Variants in SMG6 observed in about 807,000 individuals in gnomAD.
SMG6 encodes the protein SMG6 nonsense mediated mRNA decay factor.
In SMG6, 66 loss-of-function variants were observed where a neutral mutation model predicts 142.2. The observed-to-expected ratio is 0.46, with a 90% CI of 0.38 to 0.57. The LOEUF (loss-of-function observed/expected upper bound fraction) is 0.57. SMG6 is among the 20% of genes least tolerant of loss of function. The pLI is 0.00. For missense variants in SMG6, 1,793 were observed against 1,832.0 expected (o/e 0.98, Z 0.39); for synonymous variants, 779 against 702.4 (o/e 1.11, Z -1.72).
At chr17:2,137,655 T>C (rs868759423) in intron 13 of SMG6, among the ~76,000 whole-genome samples, 1 of 152,072 alleles carries the variant, frequency 6.6e-6, no homozygotes, top group South Asian at 2.1e-4. Context: ...AAAAGACACC[T>C]GGAGAATGAC....
At chr17:2,134,890 T>A (rs1439719224) in intron 13 of SMG6, among the ~76,000 whole-genome samples, 1 of 152,116 alleles carries the variant, frequency 6.6e-6, no homozygotes, top group Non-Finnish European at 1.5e-5. Flanking sequence ...TAATTTATTT[T>A]TTTTTTTGAG....
intron 15 of SMG6, among the ~76,000 whole-genome samples, chr17:2,069,492 A>G (rs1404550671): frequency 5.3e-5 from 8 of 151,588 alleles, no homozygotes; most frequent in Non-Finnish European, 1.0e-4. Flanking sequence ...GCTACTTGGG[A>G]GGCTGACATG....
intron 13 of SMG6, among the ~76,000 whole-genome samples, chr17:2,156,624 G>A (rs1429692689): frequency 6.6e-6 from 1 of 151,982 alleles, no homozygotes; most frequent in Non-Finnish European, 1.5e-5. Context: ...CAAACAGCAA[G>A]CCTTTCCCTC....
At chr17:2,252,321 AC>A (rs1402162220) in intron 8 of SMG6, among the ~76,000 whole-genome samples, 1 of 151,622 alleles carries the variant, frequency 6.6e-6, no homozygotes, top group African/African-American at 2.4e-5. Context: ...AATTGCTTGA[AC>A]CTGGGAGGTG....
intron 10 of SMG6, among the ~76,000 whole-genome samples, chr17:2,200,233 T>C (rs1028056597): frequency 1.3e-5 from 2 of 152,148 alleles, no homozygotes; most frequent in African/African-American, 4.8e-5. Context: ...AAAAAACTTT[T>C]TGTTTTTTTT....
intron 8 of SMG6, among the ~76,000 whole-genome samples, chr17:2,270,223 G>A (rs2074516553): frequency 6.6e-6 from 1 of 152,036 alleles, no homozygotes; most frequent in South Asian, 2.1e-4. Flanking sequence ...AAAAAAAAAG[G>A]TGAATATACC....
At chr17:2,191,528 A>G (rs2072163162) in intron 10 of SMG6, among the ~76,000 whole-genome samples, 1 of 152,230 alleles carries the variant, frequency 6.6e-6, no homozygotes. Context: ...ACAGGAGCTG[A>G]GGAACTCATT....
At position 2,071,239 on chromosome 17, in the gene SMG6, ACT is replaced by A. The variant is rs2068091709; in HGVS notation, c.3682-2310_3682-2309del. ...AGAAACAACCGTCCAGCCTGGTCTG[ACT>A]CTATCAAGGAAGTGGCTGCCATTTT... On this transcript the variant is annotated intron_variant, in intron 15 of 18. Transcript: ENST00000263073. This position sits in a 1 kb window ranked among gnomAD's most constrained non-coding sequence, Gnocchi z 5.6. 6.7e-6 allele frequency among the ~76,000 whole-genome samples: 1 copy of A among 150,156 alleles called. No individual in the cohort carries two copies. The highest frequency in any genetic ancestry group is 1.5e-5 in the Non-Finnish European group (1 of 67,736).
intron 12 of SMG6, among the ~76,000 whole-genome samples, chr17:2,178,898 G>T (rs926040316): frequency 6.6e-6 from 1 of 152,260 alleles, no homozygotes; most frequent in Non-Finnish European, 1.5e-5. Context: ...ACTCCAACAC[G>T]TCTTCTTAGC....
At chr17:2,121,583 CTGTCTGTGTGTGTGTGTG>C (rs1486280562) in intron 13 of SMG6, among the ~76,000 whole-genome samples, 1,733 of 118,262 alleles carry the variant, frequency 0.015, 57 homozygotes, top group African/African-American at 0.046. Flanking sequence ...ATGTACATGT[CTGTCTGTGTGTGTGTGTG>C]TGTGTGTGTG....
At chr17:2,232,324 G>A (rs1393276495) in intron 10 of SMG6, among the ~76,000 whole-genome samples, 1 of 152,164 alleles carries the variant, frequency 6.6e-6, no homozygotes, top group Non-Finnish European at 1.5e-5. Flanking sequence ...GATGACTACC[G>A]AAGTGTTAAA....
Position 2,236,392 on chromosome 17 carries a change from G to A in SMG6, c.2869+100C>T, listed in dbSNP as rs1333364054. 16 of 1,204,102 alleles carry A rather than the reference G, an allele frequency of 1.3e-5. No homozygotes were observed. In the East Asian group the frequency reaches 2.9e-4, roughly 22 times the overall value. 74.6% of individuals were successfully genotyped at this position (1,204,102 alleles called of 1,614,324 possible). A position where few individuals can be genotyped will look rare whatever the true frequency, so the allele number is the denominator to read the frequency against. On this transcript the variant is annotated intron_variant, in intron 10 of 18. Transcript: ENST00000263073. ...TAGGGTGTGTGTGTTCGGGGGTGGGGTGGGGGGAGGTAGGTATGGTAGGTA... is the reference window on the plus strand; with the variant it reads ...TAGGGTGTGTGTGTTCGGGGGTGGGATGGGGGGAGGTAGGTATGGTAGGTA...
intron 8 of SMG6, among the ~76,000 whole-genome samples, chr17:2,253,973 G>C (rs1336049062): frequency 6.6e-6 from 1 of 152,162 alleles, no homozygotes; most frequent in Non-Finnish European, 1.5e-5. Context: ...CCTATCAAAG[G>C]AAAGTGCCAG....
chr17:2,272,372 CCTCT>C (rs2074558797), intron 8 of SMG6, among the ~76,000 whole-genome samples: 1 of 152,206 alleles, frequency 6.6e-6, no homozygotes, highest in South Asian at 2.1e-4. Flanking sequence ...GGACCAAGAG[CCTCT>C]CTCTGTGCTT....
At chr17:2,100,293 C>A (rs895647596) in intron 13 of SMG6, among the ~76,000 whole-genome samples, 1 of 152,178 alleles carries the variant, frequency 6.6e-6, no homozygotes, top group African/African-American at 2.4e-5. Flanking sequence ...CCGCCTCGGC[C>A]TTCCAAAGTG....
chr17:2,104,603 C>T (rs1416909519), intron 13 of SMG6, among the ~76,000 whole-genome samples: 1 of 151,270 alleles, frequency 6.6e-6, no homozygotes, highest in Non-Finnish European at 1.5e-5. Flanking sequence ...ATCTTACTTC[C>T]TCTGCAATTT....
chr17:2,255,418 AAAAAAAAAAAAG>A (rs1354033173), intron 8 of SMG6, among the ~76,000 whole-genome samples: 8 of 149,780 alleles, frequency 5.3e-5, no homozygotes, highest in South Asian at 4.2e-4. Flanking sequence ...AAAAAAAAAA[AAAAAAAAAAAAG>A]AATGTGATCT....
At chr17:2,249,031 C>T (rs749403671) in intron 8 of SMG6, among the ~76,000 whole-genome samples, 5 of 151,864 alleles carry the variant, frequency 3.3e-5, no homozygotes, top group South Asian at 2.1e-4. Context: ...GGACTACAGG[C>T]GCCCGCCACC....
intron 12 of SMG6, among the ~76,000 whole-genome samples, chr17:2,180,148 C>T (rs2071762454): frequency 6.6e-6 from 1 of 152,200 alleles, no homozygotes; most frequent in African/African-American, 2.4e-5. Flanking sequence ...CACGACTTTC[C>T]TTGTGCTCAC....
Sources: allele counts gnomAD v4.1 joint callset (sites outside exome capture counted in the v4.1 genomes callset), GRCh38; gene constraint gnomAD v4.1.1; non-coding constraint Gnocchi (gnomAD v3.1); transcripts MANE v1.5; gene names NCBI Gene and HGNC (gene_info 2026-07-23, HGNC 2026-07-21).